The following LRRTM4 variants were observed in gnomAD, a reference collection of about 807,000 sequenced individuals.
LRRTM4 encodes the protein leucine-rich repeat transmembrane neuronal protein 4.
LRRTM4 carries 25 observed loss-of-function variants against 47.6 expected under a neutral mutation model. The ratio of observed to expected loss-of-function variants is 0.53; its 90% confidence interval spans 0.38 to 0.73. The LOEUF is 0.73. LRRTM4 is among the 30% of genes least tolerant of loss of function. The pLI, the probability that LRRTM4 is intolerant of heterozygous loss-of-function variation, is 0.00. For synonymous variants in LRRTM4, 311 were observed against 269.5 expected (o/e 1.15, Z -1.51); for missense variants, 638 against 713.4 (o/e 0.89, Z 1.20).
chr2:77,239,036 A>C (rs1675189261), intron 3 of LRRTM4, among the ~76,000 whole-genome samples: 1 of 151,876 alleles, frequency 6.6e-6, no homozygotes, highest in African/African-American at 2.4e-5. Flanking sequence ...AAATACTATA[A>C]TATCAAAGAG....
intron 3 of LRRTM4, among the ~76,000 whole-genome samples, chr2:76,837,144 C>T (rs1040597827): frequency 2.6e-5 from 4 of 152,196 alleles, no homozygotes; most frequent in African/African-American, 9.6e-5. Context: ...TTATCCATTT[C>T]TGTTAGATTT....
intron 3 of LRRTM4, among the ~76,000 whole-genome samples, chr2:77,310,882 T>C (rs370155802): frequency 2.0e-5 from 3 of 151,938 alleles, no homozygotes; most frequent in African/African-American, 7.3e-5. Context: ...AGAGAGAATA[T>C]TGTGAGTGTG....
chr2:76,960,207 A>G (rs545884029), intron 3 of LRRTM4, among the ~76,000 whole-genome samples: 4 of 151,844 alleles, frequency 2.6e-5, no homozygotes, highest in African/African-American at 7.2e-5. Flanking sequence ...AAACAATTTT[A>G]TAGAACAGCT....
intron 3 of LRRTM4, among the ~76,000 whole-genome samples, chr2:76,783,204 T>C (rs946210993): frequency 1.3e-5 from 2 of 152,192 alleles, no homozygotes; most frequent in Non-Finnish European, 1.5e-5. Context: ...CCATGACTCC[T>C]ACCCCATAGT....
At chr2:76,855,453 A>G (rs980137003) in intron 3 of LRRTM4, among the ~76,000 whole-genome samples, 2 of 152,228 alleles carry the variant, frequency 1.3e-5, no homozygotes, top group African/African-American at 2.4e-5. Context: ...TAATAGATTC[A>G]TATCAAACAC....
chr2:76,963,261 A>C (rs1451389277), intron 3 of LRRTM4, among the ~76,000 whole-genome samples: 1 of 150,948 alleles, frequency 6.6e-6, no homozygotes, highest in Non-Finnish European at 1.5e-5. Flanking sequence ...ACCAAGGGTC[A>C]ACATTAAATT....
intron 3 of LRRTM4, among the ~76,000 whole-genome samples, chr2:77,205,174 A>T (rs1674087285): frequency 1.3e-5 from 2 of 152,208 alleles, no homozygotes; most frequent in Admixed American, 1.3e-4. Flanking sequence ...AGTACCACTT[A>T]TCTTAGATTT....
chr2:77,298,853 T>A (rs1438328088), intron 3 of LRRTM4, among the ~76,000 whole-genome samples: 4 of 152,196 alleles, frequency 2.6e-5, no homozygotes, highest in Non-Finnish European at 4.4e-5. Context: ...AATACAAAAT[T>A]GAATTTTGTT....
At chr2:77,217,684 A>C (rs1573091933) in intron 3 of LRRTM4, among the ~76,000 whole-genome samples, 1 of 151,552 alleles carries the variant, frequency 6.6e-6, no homozygotes, top group South Asian at 2.1e-4. Context: ...TTATTTTCTA[A>C]GTTCTTGCAT....
chr2:77,514,585 C>A lies in LRRTM4; in HGVS notation c.1551+3733G>T, dbSNP rs1573515050. On this transcript the variant is annotated intron_variant, in intron 3 of 3. Coordinates refer to ENST00000409884, the MANE Select transcript of LRRTM4 (RefSeq NM_001134745.3). ...ACACCTATATTGTCACCTTTACTGC[C>A]ATTTTCCTAATAGCAGCACTGTTAG... Among the ~76,000 whole-genome samples the A allele has an allele frequency of 2.0e-5, 3 of 152,058 alleles. No individual in the cohort carries two copies. In the East Asian group the frequency reaches 5.8e-4, roughly 29 times the overall value.
chr2:77,306,071 A>G (rs1053499852), intron 3 of LRRTM4, among the ~76,000 whole-genome samples: 4 of 152,146 alleles, frequency 2.6e-5, no homozygotes, highest in African/African-American at 9.7e-5. Context: ...AATGTGCCAT[A>G]ATTTGTGAAT....
intron 3 of LRRTM4, among the ~76,000 whole-genome samples, chr2:77,137,521 T>C (rs1015837428): frequency 1.3e-5 from 2 of 151,922 alleles, no homozygotes; most frequent in Non-Finnish European, 2.9e-5. Flanking sequence ...TGCAAAAACA[T>C]GCCAAATTGT....
intron 3 of LRRTM4, among the ~76,000 whole-genome samples, chr2:76,996,215 T>G (rs1174875379): frequency 1.3e-5 from 2 of 152,024 alleles, no homozygotes; most frequent in Non-Finnish European, 2.9e-5. Flanking sequence ...ACAGAGAAAA[T>G]TATTGAACTC....
chr2:77,238,927 A>G (rs1675185276), intron 3 of LRRTM4, among the ~76,000 whole-genome samples: 1 of 152,020 alleles, frequency 6.6e-6, no homozygotes, highest in African/African-American at 2.4e-5. Flanking sequence ...CAGCACTTAT[A>G]TCTGCACTGT....
At chr2:76,760,032 T>A (rs1436028034) in intron 3 of LRRTM4, among the ~76,000 whole-genome samples, 1 of 152,180 alleles carries the variant, frequency 6.6e-6, no homozygotes, top group African/African-American at 2.4e-5. Context: ...CTGCTGTGTG[T>A]AGAATGCTTC....
intron 3 of LRRTM4, among the ~76,000 whole-genome samples, chr2:77,227,587 T>C (rs1674850186): frequency 6.6e-6 from 1 of 152,068 alleles, no homozygotes; most frequent in South Asian, 2.1e-4. Context: ...GTCAATTTAA[T>C]TATAGCTGTA....
intron 3 of LRRTM4, among the ~76,000 whole-genome samples, chr2:77,203,664 T>A (rs1464789622): frequency 2.6e-5 from 4 of 152,176 alleles, no homozygotes; most frequent in African/African-American, 9.7e-5. Context: ...GATAAAGCCT[T>A]TAAGCTCTGG....
rs1367769604 is a variant in LRRTM4 at position 76,855,563 on chromosome 2, T to A, written c.1552-106647A>T. 2.0e-5 allele frequency among the ~76,000 whole-genome samples: 3 copies of A among 152,306 alleles called. No homozygotes were observed. In the East Asian group the frequency reaches 5.8e-4, roughly 29 times the overall value. ...CTTATCCCAATCTCTTTCTTTGTCT[T>A]CCTCATTCTATTTAACAAAACTACC... is the stretch of plus-strand genomic sequence containing the variant. On this transcript the variant is annotated intron_variant, in intron 3 of 3. Coordinates refer to ENST00000409884, the MANE Select transcript of LRRTM4 (RefSeq NM_001134745.3).
At chr2:77,046,192 CTA>C (rs1679230065) in intron 3 of LRRTM4, among the ~76,000 whole-genome samples, 1 of 151,852 alleles carries the variant, frequency 6.6e-6, no homozygotes, top group Admixed American at 6.6e-5. Flanking sequence ...ATAGGTGTTC[CTA>C]TGTGTTTTAC....
Sources: allele counts gnomAD v4.1 joint callset (sites outside exome capture counted in the v4.1 genomes callset), GRCh38; gene constraint gnomAD v4.1.1; transcripts MANE v1.5; gene names NCBI Gene and HGNC (gene_info 2026-07-23, HGNC 2026-07-21).